The following NBEA variants were observed in gnomAD, a reference collection of about 807,000 sequenced individuals.
The protein encoded by NBEA is neurobeachin, also known as lysosomal-trafficking regulator 2.
In NBEA, 44 loss-of-function variants were observed where a neutral mutation model predicts 343.4. The observed-to-expected ratio is 0.13, with a 90% CI of 0.10 to 0.16. NBEA has a LOEUF of 0.16. Ranked by LOEUF, NBEA falls within the 10% of genes least tolerant of loss-of-function variation. The pLI, the probability that NBEA is intolerant of heterozygous loss-of-function variation, is 1.00. For missense variants in NBEA, 2,555 were observed against 3,631.3 expected (o/e 0.70, Z 7.62); for synonymous variants, 1,175 against 1,238.7 (o/e 0.95, Z 1.08).
intron 1 of NBEA, among the ~76,000 whole-genome samples, chr13:34,953,965 G>T (rs575693212): frequency 6.6e-6 from 1 of 152,312 alleles, no homozygotes; most frequent in Non-Finnish European, 1.5e-5. Context: ...AAAATCTAAT[G>T]CCTGATGATC....
intron 35 of NBEA, among the ~76,000 whole-genome samples, chr13:35,298,522 A>G (rs2036313245): frequency 6.6e-6 from 1 of 151,996 alleles, no homozygotes; most frequent in Non-Finnish European, 1.5e-5. Context: ...ACACATTTGA[A>G]TGTGAGAAAC....
intron 40 of NBEA, among the ~76,000 whole-genome samples, chr13:35,465,910 T>G (rs2075368900): frequency 6.6e-6 from 1 of 152,068 alleles, no homozygotes; most frequent in African/African-American, 2.4e-5. Flanking sequence ...TAGGTTAAAG[T>G]TAGAGCATAT....
At chr13:35,403,277 G>A (rs1190205293) in intron 38 of NBEA, among the ~76,000 whole-genome samples, 2 of 151,754 alleles carry the variant, frequency 1.3e-5, no homozygotes, top group African/African-American at 4.8e-5. Flanking sequence ...ATTAATAATA[G>A]CTGCCTATTA....
rs570841424 is a variant in NBEA at position 35,266,186 on chromosome 13, A to G, written c.5777-24203A>G. Among the ~76,000 whole-genome samples, 7 of 151,998 alleles carry G rather than the reference A, an allele frequency of 4.6e-5. No individual in the cohort carries two copies. In the South Asian group the frequency reaches 1.4e-3, roughly 31 times the overall value. Reference sequence around the variant, plus strand: ...AAATATAAATATTACCAAAAAGATAATAAGTGTTGGCAAGGATATGGAGAA... The same window carrying G: ...AAATATAAATATTACCAAAAAGATAGTAAGTGTTGGCAAGGATATGGAGAA... On this transcript the variant is annotated intron_variant, in intron 34 of 58. Transcript: ENST00000379939.
intron 38 of NBEA, among the ~76,000 whole-genome samples, chr13:35,415,841 C>T (rs1484783199): frequency 3.3e-5 from 5 of 152,136 alleles, no homozygotes; most frequent in Admixed American, 6.5e-5. Context: ...GCCATTTTCA[C>T]GATACTGATT....
At chr13:35,504,558 C>A (rs2077002471) in intron 41 of NBEA, among the ~76,000 whole-genome samples, 1 of 152,058 alleles carries the variant, frequency 6.6e-6, no homozygotes, top group Admixed American at 6.6e-5. Context: ...AGATAAAAAT[C>A]TTTTCATTTA....
chr13:35,143,911 A>C (rs946307354), intron 18 of NBEA, among the ~76,000 whole-genome samples: 9 of 151,680 alleles, frequency 5.9e-5, no homozygotes, highest in African/African-American at 2.2e-4. Flanking sequence ...AACAAAAAAA[A>C]AAACAAAAAC....
rs188851532 is a variant in NBEA, at chr13:34,945,901, A to G, written c.294+2787A>G. On this transcript the variant is annotated intron_variant, in intron 1 of 58. Transcript: ENST00000379939. ...CACTAAAGTGTAGGACTTCTTCAAC[A>G]GAGCGGTGGCTGTAATTTTTCTGCT... 3.1e-3 allele frequency among the ~76,000 whole-genome samples: 466 copies of G among 152,296 alleles called. 1 individual carries two copies. Among genetic ancestry groups the G allele is most frequent in the Admixed American group, 4.2e-3 (64 of 15,302 alleles).
At chr13:35,313,783 A>G (rs2037528486) in intron 36 of NBEA, among the ~76,000 whole-genome samples, 3 of 152,160 alleles carry the variant, frequency 2.0e-5, no homozygotes, top group Admixed American at 2.0e-4. Context: ...GTGATGATTT[A>G]CCTAGAGTAG....
chr13:35,416,655 T>C (rs1287077638), intron 38 of NBEA, among the ~76,000 whole-genome samples: 1 of 152,202 alleles, frequency 6.6e-6, no homozygotes, highest in Non-Finnish European at 1.5e-5. Context: ...TTATTGAGGA[T>C]TTTTGCATCA....
chr13:35,304,953 T>A (rs528737810), intron 35 of NBEA, among the ~76,000 whole-genome samples: 2 of 152,276 alleles, frequency 1.3e-5, no homozygotes, highest in African/African-American at 2.4e-5. Flanking sequence ...AAATATTTTT[T>A]AAATTTATTA....
chr13:35,028,888 G>C (rs914193003), intron 1 of NBEA, among the ~76,000 whole-genome samples: 2 of 151,318 alleles, frequency 1.3e-5, no homozygotes, highest in African/African-American at 4.8e-5. Flanking sequence ...TTTTGTGTCT[G>C]GTTCATTTCA....
chr13:35,405,123 A>G (rs557457713), intron 38 of NBEA, among the ~76,000 whole-genome samples: 1 of 152,296 alleles, frequency 6.6e-6, no homozygotes, highest in South Asian at 2.1e-4. Context: ...GAAAAGAAAC[A>G]AATCTGGATT....
At chr13:35,534,609 A>T (rs58940823) in intron 41 of NBEA, among the ~76,000 whole-genome samples, 3,039 of 152,256 alleles carry the variant, frequency 0.02, 99 homozygotes, top group African/African-American at 0.067. Flanking sequence ...TGACCTCTGT[A>T]CTTGGAGTGG....
chr13:35,189,594 C>CAT (rs2072019330), intron 30 of NBEA, among the ~76,000 whole-genome samples: 1 of 151,740 alleles, frequency 6.6e-6, no homozygotes, highest in East Asian at 1.9e-4. Flanking sequence ...AAGCAAAATA[C>CAT]ATATATATGA....
chr13:35,362,470 G>A (rs1594354756), intron 38 of NBEA, among the ~76,000 whole-genome samples: 1 of 151,720 alleles, frequency 6.6e-6, no homozygotes, highest in East Asian at 1.9e-4. Context: ...AATATAAAAT[G>A]TCCAGGTTTT....
chr13:35,206,659 G>T (rs1184730675), intron 31 of NBEA, among the ~76,000 whole-genome samples: 1 of 152,014 alleles, frequency 6.6e-6, no homozygotes, highest in Non-Finnish European at 1.5e-5. Context: ...TTAGACAGTG[G>T]TAATGATTAT....
chr13:35,266,160 T>A (rs2033655282), intron 34 of NBEA, among the ~76,000 whole-genome samples: 2 of 151,736 alleles, frequency 1.3e-5, no homozygotes, highest in African/African-American at 4.8e-5. Context: ...CCTTCCTTTT[T>A]AAATATAAAT....
At chr13:35,534,464 A>G (rs1054397808) in intron 41 of NBEA, among the ~76,000 whole-genome samples, 1 of 152,062 alleles carries the variant, frequency 6.6e-6, no homozygotes, top group African/African-American at 2.4e-5. Flanking sequence ...TCTTATAACC[A>G]CCTTCCTCCA....
Sources: gnomAD v4.1 joint callset for allele counts (sites outside exome capture counted in the v4.1 genomes callset) on GRCh38, gnomAD v4.1.1 for gene constraint, MANE v1.5 for transcripts, NCBI Gene and HGNC (gene_info 2026-07-23, HGNC 2026-07-21) for gene names.